FRS2: variants seen among roughly 807,000 people sequenced by gnomAD.
The protein encoded by FRS2 is FGFR signalling adaptor.
In FRS2, 8 loss-of-function variants were observed where a neutral mutation model predicts 43.9. That is an observed-to-expected ratio of 0.18 (90% confidence interval 0.11 to 0.33). The LOEUF (loss-of-function observed/expected upper bound fraction) is 0.33, where lower values mean the gene tolerates loss of function less well. FRS2 is among the 10% of genes least tolerant of loss of function. The probability of loss-of-function intolerance (pLI) is 1.00; values close to 1 mark genes in which losing one functional copy is unlikely to be tolerated. For synonymous variants in FRS2, 219 were observed against 220.3 expected, an observed-to-expected ratio of 0.99 and a Z score of 0.05; for missense variants, 534 against 627.6, an observed-to-expected ratio of 0.85 and a Z score of 1.59.
At chr12:69,551,101 C>G (rs938106642) in intron 3 of FRS2, among the ~76,000 whole-genome samples, 1 of 152,114 alleles carries the variant, frequency 6.6e-6, no homozygotes, top group African/African-American at 2.4e-5. Flanking sequence ...TTTCAAATCC[C>G]AGCACTTTGG....
chr12:69,559,455 A>T (rs1001955532), intron 3 of FRS2, among the ~76,000 whole-genome samples: 5 of 151,496 alleles, frequency 3.3e-5, no homozygotes, highest in African/African-American at 4.8e-5. Flanking sequence ...CCCTCAGATT[A>T]AAAAAAAACT....
chr12:69,557,400 A>C lies in FRS2; in HGVS notation c.-121-4780A>C, dbSNP rs553527619. Reference sequence around the variant, plus strand: ...TAATCGTTTTCTAGAGAGTACCTCTACTTTCTTACTGCTACCTTAAAAGCA... The same window carrying C: ...TAATCGTTTTCTAGAGAGTACCTCTCCTTTCTTACTGCTACCTTAAAAGCA... On this transcript the variant is annotated intron_variant, in intron 3 of 8. Coordinates refer to ENST00000549921, the MANE Select transcript of FRS2 (RefSeq NM_001278356.2). Among the ~76,000 whole-genome samples, 4 of 152,308 alleles carry C rather than the reference A, an allele frequency of 2.6e-5. No individual in the cohort carries two copies. In the South Asian group the frequency reaches 6.2e-4, roughly 24 times the overall value.
rs1203673495 is a variant in FRS2, at chr12:69,577,313, TA to T, written c.*2359del. Reference sequence around the variant, plus strand: ...TATACAACTGGTGTTAATTTCTAGATATTTTCTAGAAATCACTTGTGTTCCT... The same window carrying T: ...TATACAACTGGTGTTAATTTCTAGATTTTTCTAGAAATCACTTGTGTTCCT... On this transcript the variant is annotated 3_prime_UTR_variant, in exon 9 of 9. Coordinates refer to ENST00000549921, the MANE Select transcript of FRS2 (RefSeq NM_001278356.2). 6.6e-6 allele frequency: 1 copy of T among 152,324 alleles called. No individual in the cohort carries two copies. Among genetic ancestry groups the T allele is most frequent in the Admixed American group, 6.5e-5 (1 of 15,300 alleles). 9.4% of individuals were successfully genotyped at this position (152,324 alleles called of 1,614,324 possible). A position where few individuals can be genotyped will look rare whatever the true frequency, so the allele number is the denominator to read the frequency against.
chr12:69,502,866 T>TAGC (rs1277908851), intron 1 of FRS2, among the ~76,000 whole-genome samples: 1 of 152,138 alleles, frequency 6.6e-6, no homozygotes, highest in African/African-American at 2.4e-5. Flanking sequence ...CTACCTACTC[T>TAGC]AGCAGCAGCA....
At chr12:69,570,764 C>CTAAG (rs1231432837) in intron 6 of FRS2, among the ~76,000 whole-genome samples, 1 of 152,146 alleles carries the variant, frequency 6.6e-6, no homozygotes, top group Non-Finnish European at 1.5e-5. Context: ...GCTAAATTGA[C>CTAAG]TAAGTGTCTT....
chr12:69,474,133 G>T (rs1325959581), intron 1 of FRS2, among the ~76,000 whole-genome samples: 1 of 152,154 alleles, frequency 6.6e-6, no homozygotes, highest in Non-Finnish European at 1.5e-5. Flanking sequence ...GAGCCACTGC[G>T]CCCAGCTGAA....
intron 3 of FRS2, among the ~76,000 whole-genome samples, chr12:69,532,794 T>A (rs1876932896): frequency 6.6e-6 from 1 of 152,218 alleles, no homozygotes; most frequent in Non-Finnish European, 1.5e-5. Context: ...ATTTATAAGA[T>A]CTTTGGTGGG....
In FRS2 at chr12:69,571,375, T is replaced by C. The variant is rs1880738714; in HGVS notation, c.353T>C (p.Val118Ala). ...ATAAATGTGGTGGAAGAGCCAGTTGTAGAAAGAAATAATCATCAGACAGAA... is the reference window on the plus strand; with the variant it reads ...ATAAATGTGGTGGAAGAGCCAGTTGCAGAAAGAAATAATCATCAGACAGAA... ...NSINVVEEPV[V>A]ERNNHQTELE... is the part of the protein sequence containing the mutation. The change falls in exon 7 of 9, where the codon GTA becomes GCA. Residue 118 changes from valine to alanine, a missense_variant. By Grantham distance (64) the Val-to-Ala change is moderately conservative. This residue lies in a region of FRS2 where 446 missense variants were observed against 494.2 expected (regional missense o/e 0.90). Coordinates refer to ENST00000549921, the MANE Select transcript of FRS2 (RefSeq NM_001278356.2). The C allele has an allele frequency of 1.9e-6, 3 of 1,612,404 alleles. No homozygotes were observed. The highest frequency in any genetic ancestry group is 2.5e-6 in the Non-Finnish European group (3 of 1,178,694).
At chr12:69,470,813 C>T (rs1475288147) in intron 1 of FRS2, among the ~76,000 whole-genome samples, 1 of 152,124 alleles carries the variant, frequency 6.6e-6, no homozygotes, top group East Asian at 1.9e-4. Flanking sequence ...TTCGTCCGTC[C>T]GACCCCCCTC....
At chr12:69,476,946 C>A (rs529911251) in intron 1 of FRS2, among the ~76,000 whole-genome samples, 1 of 152,152 alleles carries the variant, frequency 6.6e-6, no homozygotes, top group South Asian at 2.1e-4. Flanking sequence ...ATAGCTTGGA[C>A]CCTCTGTTAA....
At chr12:69,472,528 G>C (rs1485623253) in intron 1 of FRS2, among the ~76,000 whole-genome samples, 1 of 152,184 alleles carries the variant, frequency 6.6e-6, no homozygotes, top group African/African-American at 2.4e-5. Flanking sequence ...TGTAGTTACA[G>C]ATTTGCAGGT....
chr12:69,477,748 A>C (rs866905021), intron 1 of FRS2, among the ~76,000 whole-genome samples: 1 of 127,844 alleles, frequency 7.8e-6, no homozygotes, highest in East Asian at 2.1e-4. Flanking sequence ...TTATTTATTT[A>C]TTTATTTTTT....
At chr12:69,542,710 A>T (rs1255229715) in intron 3 of FRS2, among the ~76,000 whole-genome samples, 1 of 152,228 alleles carries the variant, frequency 6.6e-6, no homozygotes, top group African/African-American at 2.4e-5. Context: ...GGAATTGCAT[A>T]TGGCAGATAG....
intron 1 of FRS2, among the ~76,000 whole-genome samples, chr12:69,501,859 T>C (rs1873472911): frequency 6.6e-6 from 1 of 152,226 alleles, no homozygotes; most frequent in East Asian, 1.9e-4. Flanking sequence ...GTTGATATAT[T>C]TTCCAGGTTA....
At chr12:69,555,693 G>T (rs759346226) in intron 3 of FRS2, among the ~76,000 whole-genome samples, 2 of 152,114 alleles carry the variant, frequency 1.3e-5, no homozygotes, top group Non-Finnish European at 2.9e-5. Context: ...ACTTGAGTGT[G>T]CACGTGTTTT....
intron 4 of FRS2, among the ~76,000 whole-genome samples, chr12:69,566,095 C>T (rs1386096086): frequency 2.0e-5 from 3 of 152,046 alleles, no homozygotes; most frequent in African/African-American, 4.8e-5. Context: ...CTTGTAATCT[C>T]AGGGAACCAC....
At chr12:69,485,547 A>T (rs1239717239) in intron 1 of FRS2, among the ~76,000 whole-genome samples, 2 of 150,874 alleles carry the variant, frequency 1.3e-5, no homozygotes, top group African/African-American at 4.9e-5. Flanking sequence ...CAGTGGTGCG[A>T]TCTTGGCTCA....
At chr12:69,482,138 A>G (rs1871402290) in intron 1 of FRS2, among the ~76,000 whole-genome samples, 1 of 152,078 alleles carries the variant, frequency 6.6e-6, no homozygotes, top group Admixed American at 6.6e-5. Flanking sequence ...GCTTGTGTAG[A>G]AGAGGTTTTT....
chr12:69,498,048 CAGT>C (rs10618113), intron 1 of FRS2, among the ~76,000 whole-genome samples: 2,307 of 152,046 alleles, frequency 0.015, 62 homozygotes, highest in African/African-American at 0.051. Context: ...TTAACTTTAA[CAGT>C]AGAAACTTGC....
Sources: allele counts gnomAD v4.1 joint callset (sites outside exome capture counted in the v4.1 genomes callset), GRCh38; gene constraint gnomAD v4.1.1; regional missense constraint gnomAD v4.1.1; transcripts MANE v1.5; gene names NCBI Gene and HGNC (gene_info 2026-07-23, HGNC 2026-07-21).